Variants in SIPA1L2 observed in about 807,000 individuals in gnomAD.
SIPA1L2 encodes the protein signal-induced proliferation-associated 1-like protein 2.
Under a neutral mutation model 163.9 loss-of-function variants are expected in SIPA1L2, and 56 were observed. That is an observed-to-expected ratio of 0.34 (90% confidence interval 0.28 to 0.43). SIPA1L2 has a LOEUF of 0.43. Ranked by LOEUF, SIPA1L2 falls within the 20% of genes least tolerant of loss-of-function variation. The pLI, the probability that SIPA1L2 is intolerant of heterozygous loss-of-function variation, is 1.00. For missense variants in SIPA1L2, 1,974 were observed against 2,193.5 expected (o/e 0.90, Z 2.00); for synonymous variants, 877 against 865.7 (o/e 1.01, Z -0.23).
chr1:232,495,480 G>A (rs1666135397), intron 3 of SIPA1L2, among the ~76,000 whole-genome samples: 1 of 151,552 alleles, frequency 6.6e-6, no homozygotes, highest in Admixed American at 6.6e-5. Context: ...CAGGAGAATG[G>A]CGTGAACCTG....
intron 1 of SIPA1L2, among the ~76,000 whole-genome samples, chr1:232,617,690 G>A (rs1662573699): frequency 6.6e-6 from 1 of 151,908 alleles, no homozygotes; most frequent in Non-Finnish European, 1.5e-5. Context: ...GAAACAAAAA[G>A]AGTAAGTTGA....
At chr1:232,462,497 C>T (rs753905546) in intron 9 of SIPA1L2, 25 of 764,714 alleles carry the variant, frequency 3.3e-5, no homozygotes, top group Non-Finnish European at 4.2e-5. Flanking sequence ...CACACAATGC[C>T]AATCAGCTTT....
intron 2 of SIPA1L2, among the ~76,000 whole-genome samples, chr1:232,521,898 A>G (rs1181985359): frequency 6.6e-6 from 1 of 151,986 alleles, no homozygotes; most frequent in Admixed American, 6.6e-5. Flanking sequence ...CCTTATCCAC[A>G]AGTCCAAAGA....
At chr1:232,424,463 A>C (rs1343416297) in intron 18 of SIPA1L2, among the ~76,000 whole-genome samples, 1 of 152,160 alleles carries the variant, frequency 6.6e-6, no homozygotes. Flanking sequence ...ATGAAATAAC[A>C]CTTGCAGGAA....
At position 232,532,877 on chromosome 1, in the gene SIPA1L2, C is replaced by T. The variant is rs557653853; in HGVS notation, c.-269-17269G>A. The stretch of plus-strand genomic sequence containing the variant: ...ATGCCTACCTCTACTGCAGGAGAAA[C>T]GCTAAAGAGAACTGTGGAACTAAGG... On this transcript the variant is annotated intron_variant, in intron 2 of 22. Transcript: ENST00000674635. 3.9e-5 allele frequency among the ~76,000 whole-genome samples: 6 copies of T among 152,280 alleles called. No individual in the cohort carries two copies. The East Asian group carries it at 5.8e-4, about 15-fold the overall frequency.
intron 18 of SIPA1L2, among the ~76,000 whole-genome samples, chr1:232,421,495 C>T (rs1031951010): frequency 6.6e-6 from 1 of 151,964 alleles, no homozygotes; most frequent in Non-Finnish European, 1.5e-5. Flanking sequence ...TTTCAGAAAC[C>T]GATGTTTATT....
At chr1:232,438,755 T>G (rs1662711902) in intron 15 of SIPA1L2, among the ~76,000 whole-genome samples, 1 of 152,194 alleles carries the variant, frequency 6.6e-6, no homozygotes, top group African/African-American at 2.4e-5. Context: ...TTCCTACTAC[T>G]ATGGTCTGAA....
Position 232,399,189 on chromosome 1 carries a change from C to T in SIPA1L2, c.5107G>A (p.Ala1703Thr), listed in dbSNP as rs980614544. The T allele has an allele frequency of 8.7e-6, 14 of 1,613,750 alleles. No individual in the cohort carries two copies. Among genetic ancestry groups the T allele is most frequent in the Admixed American group, 8.3e-5 (5 of 59,966 alleles). Residue 1703 changes from alanine (A) to threonine (T), a missense_variant, in exon 23 of 23, where the codon GCG (alanine) becomes ACG (threonine). By Grantham distance (58) the Ala-to-Thr change is moderately conservative. Around this residue, in one of 3 missense-constraint regions of SIPA1L2, gnomAD observed 1,079 missense variants for 1,150.7 expected, o/e 0.94. Transcript: ENST00000674635. Reference sequence around the variant, plus strand: ...GTGAATTTCCGCAGCTGAGCTGTCGCGGTCTGGGACTCCTCCTGCAGTCTC... The same window carrying T: ...GTGAATTTCCGCAGCTGAGCTGTCGTGGTCTGGGACTCCTCCTGCAGTCTC... ...NMRLQEESQT[A>T]TAQLRKFTEW...
At chr1:232,574,815 C>T (rs554520355) in intron 1 of SIPA1L2, among the ~76,000 whole-genome samples, 4 of 152,228 alleles carry the variant, frequency 2.6e-5, no homozygotes, top group South Asian at 4.1e-4. Context: ...ATGATAATGG[C>T]GATGGTCAAT....
At chr1:232,594,420 C>T (rs933657552) in intron 1 of SIPA1L2, among the ~76,000 whole-genome samples, 21 of 152,148 alleles carry the variant, frequency 1.4e-4, no homozygotes, top group Middle Eastern at 3.4e-3. Flanking sequence ...ACAGGAGAGA[C>T]GTGAGTGAAC....
chr1:232,448,642 G>A (rs942939305), intron 10 of SIPA1L2, among the ~76,000 whole-genome samples: 3 of 152,234 alleles, frequency 2.0e-5, no homozygotes, highest in African/African-American at 4.8e-5. Flanking sequence ...CAGAGCAGAG[G>A]AAGGTGTGCT....
chr1:232,458,176 T>C (rs1361940968), intron 10 of SIPA1L2, among the ~76,000 whole-genome samples: 1 of 151,460 alleles, frequency 6.6e-6, no homozygotes, highest in African/African-American at 2.4e-5. Context: ...AAAAAAACCC[T>C]GTATGTTTAG....
intron 7 of SIPA1L2, among the ~76,000 whole-genome samples, chr1:232,472,329 A>G (rs1664841183): frequency 6.6e-6 from 1 of 152,070 alleles, no homozygotes; most frequent in Non-Finnish European, 1.5e-5. Context: ...ACTGTCTCCT[A>G]ATGGTTGGTT....
At chr1:232,421,853 C>T (rs1661594445) in intron 18 of SIPA1L2, among the ~76,000 whole-genome samples, 1 of 152,230 alleles carries the variant, frequency 6.6e-6, no homozygotes, top group Non-Finnish European at 1.5e-5. Context: ...TGAAACCACA[C>T]ATAATATTCT....
chr1:232,456,059 T>C (rs1255355413), intron 10 of SIPA1L2, among the ~76,000 whole-genome samples: 1 of 151,974 alleles, frequency 6.6e-6, no homozygotes, highest in Non-Finnish European at 1.5e-5. Flanking sequence ...GACACGTAAT[T>C]TACCCACGTA....
chr1:232,419,631 C>T (rs1340063594), intron 18 of SIPA1L2, among the ~76,000 whole-genome samples: 3 of 152,166 alleles, frequency 2.0e-5, no homozygotes. Context: ...GACACTCCTG[C>T]TCCCCCCTCT....
intron 1 of SIPA1L2, among the ~76,000 whole-genome samples, chr1:232,614,731 AT>A (rs1202592506): frequency 1.3e-5 from 2 of 152,244 alleles, no homozygotes; most frequent in African/African-American, 4.8e-5. Context: ...CTTTCGAATT[AT>A]CAAAATGCCA....
chr1:232,512,828 T>A (rs1326915342), intron 3 of SIPA1L2, among the ~76,000 whole-genome samples: 2 of 151,110 alleles, frequency 1.3e-5, no homozygotes, highest in African/African-American at 4.9e-5. Context: ...TAAATAAAAG[T>A]ACAGTGAGCT....
chr1:232,456,899 GA>G (rs1663952020), intron 10 of SIPA1L2, among the ~76,000 whole-genome samples: 1 of 152,082 alleles, frequency 6.6e-6, no homozygotes, highest in Non-Finnish European at 1.5e-5. Flanking sequence ...CAATGTATAT[GA>G]ATTCACTCCA....
Sources: gnomAD v4.1 joint callset for allele counts (sites outside exome capture counted in the v4.1 genomes callset) on GRCh38, gnomAD v4.1.1 for gene constraint, gnomAD v4.1.1 regional missense constraint, MANE v1.5 for transcripts, NCBI Gene and HGNC (gene_info 2026-07-23, HGNC 2026-07-21) for gene names.